DENND4C: variants seen among roughly 807,000 people sequenced by gnomAD.
The protein encoded by DENND4C is DENN domain containing 4C, also known as DENN domain-containing protein 4C.
Under a neutral mutation model 203.0 loss-of-function variants are expected in DENND4C, and 108 were observed. The ratio of observed to expected loss-of-function variants is 0.53; its 90% CI spans 0.46 to 0.62. The LOEUF is 0.62. Among genes scored for constraint, DENND4C ranks in the 20% least tolerant of loss-of-function variants. The pLI is 0.00. For missense variants in DENND4C, 2,481 were observed against 2,301.2 expected (o/e 1.08, Z -1.60); for synonymous variants, 871 against 792.4 (o/e 1.10, Z -1.67).
intron 23 of DENND4C, among the ~76,000 whole-genome samples, chr9:19,347,714 A>T (rs571667917): frequency 2.6e-5 from 4 of 152,346 alleles, no homozygotes; most frequent in Admixed American, 1.3e-4. Context: ...ACTAGTCTAA[A>T]CTAAAACATT....
At chr9:19,316,988 G>T in intron 12 of DENND4C, 149 bp downstream of exon 12, 4 of 715,232 alleles carry the variant, frequency 5.6e-6, no homozygotes, top group Non-Finnish European at 8.2e-6. Flanking sequence ...CTAGCTTTAT[G>T]ACTAGAATTT....
At chr9:19,317,366 A>C (rs1420616767) in intron 12 of DENND4C, among the ~76,000 whole-genome samples, 1 of 152,072 alleles carries the variant, frequency 6.6e-6, no homozygotes, top group Non-Finnish European at 1.5e-5. Context: ...CAATGAGGGC[A>C]CTACATTTTA....
chr9:19,272,424 AAAC>A (rs1831904874), intron 1 of DENND4C, among the ~76,000 whole-genome samples: 1 of 151,840 alleles, frequency 6.6e-6, no homozygotes, highest in African/African-American at 2.4e-5. Context: ...CCATCTCAAA[AAAC>A]AAAAACAAAA....
At chr9:19,342,871 G>GT in intron 22 of DENND4C, 92 bp downstream of exon 22, 1 of 1,102,956 alleles carries the variant, frequency 9.1e-7, no homozygotes, top group South Asian at 2.9e-5. Context: ...TGACTTAATT[G>GT]TAATGAACAT....
intron 1 of DENND4C, among the ~76,000 whole-genome samples, chr9:19,232,263 G>GT (rs970824030): frequency 6.6e-4 from 97 of 147,906 alleles, no homozygotes; most frequent in South Asian, 1.1e-3. Flanking sequence ...GCTTTGACTT[G>GT]TTTTTTTTTT....
At position 19,334,958 on chromosome 9, in the gene DENND4C, G is replaced by A. The variant is rs1554638201; in HGVS notation, c.2461-19G>A. The A allele has an allele frequency of 1.3e-6, 2 of 1,555,382 alleles. No homozygotes were observed. Among genetic ancestry groups the A allele is most frequent in the African/African-American group, 2.8e-5 (2 of 72,192 alleles). The stretch of plus-strand genomic sequence containing the variant: ...GATTAGTATACTAATTACTGACACT[G>A]ATTTTTTTTTTTTGTTAGGTGTGCT... On this transcript the variant is annotated intron_variant, in intron 17 of 32. Transcript: ENST00000434457.
At chr9:19,258,132 TCA>T (rs1219678854) in intron 1 of DENND4C, among the ~76,000 whole-genome samples, 4 of 151,708 alleles carry the variant, frequency 2.6e-5, no homozygotes, top group African/African-American at 4.8e-5. Flanking sequence ...AATCAATCAA[TCA>T]ATCTATCTAT....
At chr9:19,309,252 A>G (rs1412940156) in intron 10 of DENND4C, among the ~76,000 whole-genome samples, 1 of 152,148 alleles carries the variant, frequency 6.6e-6, no homozygotes, top group Non-Finnish European at 1.5e-5. Flanking sequence ...GAGAAACCCC[A>G]TCTCTACTAA....
In DENND4C at chr9:19,276,420, C is replaced by T; in HGVS notation, c.246C>T (p.Ser82=). The change falls in exon 2 of 33, where the codon AGC becomes AGT. Residue 82 remains serine (S), a synonymous_variant. Coordinates refer to ENST00000434457, the MANE Select transcript of DENND4C (RefSeq NM_001330640.2). The part of the protein sequence containing the change: ...QANLNYGSLK[S]PELFLCYKRG... ...ACTTGAACTATGGAAGTCTGAAAAG[C>T]CCAGAACTTTTCCTCTGTTATAAGA... The T allele has an allele frequency of 1.6e-6, 2 of 1,232,062 alleles. No individual in the cohort carries two copies. Among genetic ancestry groups the T allele is most frequent in the South Asian group, 8.2e-5 (2 of 24,318 alleles). The allele number at this position is 1,232,062 out of a possible 1,614,324, so 76.3% of individuals were successfully genotyped here. A position where few individuals can be genotyped will look rare whatever the true frequency, so the allele number is the denominator to read the frequency against.
intron 1 of DENND4C, among the ~76,000 whole-genome samples, chr9:19,254,588 A>G (rs935956471): frequency 1.3e-4 from 20 of 152,066 alleles, no homozygotes; most frequent in African/African-American, 4.8e-4. Context: ...CCTGGGGAGG[A>G]GGTAGGGGAA....
intron 1 of DENND4C, among the ~76,000 whole-genome samples, chr9:19,275,758 A>G (rs1832780682): frequency 6.6e-6 from 1 of 152,074 alleles, no homozygotes; most frequent in Admixed American, 6.6e-5. Context: ...GGTGTGAGCC[A>G]CCATGCCCAG....
intron 30 of DENND4C, among the ~76,000 whole-genome samples, chr9:19,363,928 T>G (rs1195082046): frequency 6.6e-6 from 1 of 151,914 alleles, no homozygotes; most frequent in African/African-American, 2.4e-5. Flanking sequence ...GCAGGAGAAT[T>G]GCTTGGACCC....
chr9:19,309,193 C>T (rs764494450), intron 10 of DENND4C, among the ~76,000 whole-genome samples: 36 of 152,044 alleles, frequency 2.4e-4, no homozygotes, highest in Non-Finnish European at 4.4e-4. Flanking sequence ...GAGGCTGAGA[C>T]GGGTGGATCT....
At chr9:19,241,311 C>T (rs1032550922) in intron 1 of DENND4C, among the ~76,000 whole-genome samples, 3 of 152,004 alleles carry the variant, frequency 2.0e-5, no homozygotes, top group East Asian at 1.9e-4. Flanking sequence ...TAAATACAAA[C>T]GCATTTTACA....
At chr9:19,310,492 G>C (rs1043593537) in intron 10 of DENND4C, among the ~76,000 whole-genome samples, 1 of 152,182 alleles carries the variant, frequency 6.6e-6, no homozygotes, top group South Asian at 2.1e-4. Context: ...CAGCACATTT[G>C]AGTAGTTATG....
At chr9:19,368,434 A>G (rs1221940898) in intron 30 of DENND4C, among the ~76,000 whole-genome samples, 2 of 152,148 alleles carry the variant, frequency 1.3e-5, no homozygotes, top group African/African-American at 4.8e-5. Flanking sequence ...CGGCCGAATT[A>G]CGTTCCTTCT....
intron 12 of DENND4C, among the ~76,000 whole-genome samples, chr9:19,317,191 T>TC (rs1356092086): frequency 6.6e-6 from 1 of 151,130 alleles, no homozygotes; most frequent in Non-Finnish European, 1.5e-5. Context: ...CTTTTTTTTT[T>TC]TTTTTTTTTT....
intron 9 of DENND4C, among the ~76,000 whole-genome samples, chr9:19,303,131 G>C (rs1838939341): frequency 6.6e-6 from 1 of 151,884 alleles, no homozygotes; most frequent in South Asian, 2.1e-4. Flanking sequence ...ATACATGCTG[G>C]TTGAACATCC....
chr9:19,366,373 G>A (rs555980948), intron 30 of DENND4C, among the ~76,000 whole-genome samples: 11 of 152,208 alleles, frequency 7.2e-5, no homozygotes, highest in African/African-American at 9.6e-5. Flanking sequence ...AGGCCGAGGC[G>A]GGCGGATCAC....
Sources: allele counts gnomAD v4.1 joint callset (sites outside exome capture counted in the v4.1 genomes callset), GRCh38; gene constraint gnomAD v4.1.1; transcripts MANE v1.5; gene names NCBI Gene and HGNC (gene_info 2026-07-23, HGNC 2026-07-21).